TSPAN9: variants seen among roughly 807,000 people sequenced by gnomAD.
The protein encoded by TSPAN9 is tetraspanin-9.
TSPAN9 carries 16 observed loss-of-function variants against 31.0 expected under a neutral mutation model. The observed-to-expected ratio is 0.52, with a 90% confidence interval of 0.35 to 0.78. TSPAN9 has a LOEUF of 0.78. TSPAN9 is among the 30% of genes least tolerant of loss of function. The pLI, the probability that TSPAN9 is intolerant of heterozygous loss-of-function variation, is 0.01. For synonymous variants in TSPAN9, 145 were observed against 121.6 expected (o/e 1.19, Z -1.27); for missense variants, 272 against 312.5 (o/e 0.87, Z 0.98).
chr12:3,085,201 TAA>T, intron 2 of TSPAN9, among the ~76,000 whole-genome samples: 1 of 139,330 alleles, frequency 7.2e-6, no homozygotes, highest in African/African-American at 2.6e-5. Flanking sequence ...TTGTCCCTAT[TAA>T]AAAAAAAAAA....
intron 3 of TSPAN9, among the ~76,000 whole-genome samples, chr12:3,219,123 C>T (rs1289133371): frequency 1.3e-5 from 2 of 152,150 alleles, no homozygotes; most frequent in Admixed American, 6.5e-5. Flanking sequence ...GGAGGCCGGA[C>T]GGTGTAGTGG....
At chr12:3,281,605 G>A in intron 7 of TSPAN9, 129 bp from the exon 8 acceptor site, 3 of 1,198,674 alleles carry the variant, frequency 2.5e-6, no homozygotes, top group Non-Finnish European at 2.3e-6. Flanking sequence ...GATGGGGACA[G>A]GGCTGAGGCC....
At chr12:3,202,938 C>T (rs1418082188) in intron 3 of TSPAN9, among the ~76,000 whole-genome samples, 1 of 152,248 alleles carries the variant, frequency 6.6e-6, no homozygotes, top group Non-Finnish European at 1.5e-5. Flanking sequence ...CATCTGCCAG[C>T]ATCTGTCAGC....
chr12:3,217,701 TCCCTTCACCCCTTCAC>T (rs564542226), intron 3 of TSPAN9, among the ~76,000 whole-genome samples: 2 of 152,146 alleles, frequency 1.3e-5, no homozygotes, highest in African/African-American at 2.4e-5. Flanking sequence ...GCTGCCTGCA[TCCCTTCACCCCTTCAC>T]CCCTTCACCC....
rs990105586 is a variant in TSPAN9, at chr12:3,147,941, A to C, written c.-17-53236A>C. Among the ~76,000 whole-genome samples the C allele has an allele frequency of 6.6e-6, 1 of 152,224 alleles. No homozygotes were observed. Among genetic ancestry groups the C allele is most frequent in the East Asian group, 1.9e-4 (1 of 5,160 alleles). ...GGGGGCACAGCTTGGCAGATAAAGG[A>C]TGGGCTCCTGCAAGTCTAATCTGGG... On this transcript the variant is annotated intron_variant, in intron 2 of 8. Coordinates refer to ENST00000011898, the MANE Select transcript of TSPAN9 (RefSeq NM_006675.5). The surrounding 1 kb of genome is among the most constrained non-coding windows in gnomAD (Gnocchi z 4.3).
intron 3 of TSPAN9, among the ~76,000 whole-genome samples, chr12:3,217,980 G>A (rs181967039): frequency 1.9e-4 from 29 of 152,298 alleles, no homozygotes; most frequent in Admixed American, 1.6e-3. Flanking sequence ...AACACTGTAT[G>A]AAGAGGTTTC....
At chr12:3,201,140 G>A in intron 2 of TSPAN9, 37 bp from the exon 3 acceptor site, 1 of 1,555,478 alleles carries the variant, frequency 6.4e-7, no homozygotes, top group Non-Finnish European at 8.9e-7. Context: ...CAAGTACGTG[G>A]TGTTTTACCT....
chr12:3,139,880 G>A (rs1479762292), intron 2 of TSPAN9, among the ~76,000 whole-genome samples: 1 of 152,190 alleles, frequency 6.6e-6, no homozygotes, highest in Admixed American at 6.5e-5. Context: ...CACAGCAGGT[G>A]ACTCTCTAGC....
chr12:3,170,600 C>T lies in TSPAN9; in HGVS notation c.-17-30577C>T, dbSNP rs529972986. On this transcript the variant is annotated intron_variant, in intron 2 of 8. Coordinates refer to ENST00000011898, the MANE Select transcript of TSPAN9 (RefSeq NM_006675.5). The surrounding 1 kb of genome is among the most constrained non-coding windows in gnomAD (Gnocchi z 4.4). ...CTGAGTCAGTTCTGTGTGGGGGGGT[C>T]GTGATGGGGGAGCAGATGGCCCTGG... 2.0e-5 allele frequency among the ~76,000 whole-genome samples: 3 copies of T among 149,378 alleles called. No individual in the cohort carries two copies. The highest frequency in any genetic ancestry group is 3.0e-5 in the Non-Finnish European group (2 of 67,412).
chr12:3,277,342 C>G (rs1862807225), intron 3 of TSPAN9, among the ~76,000 whole-genome samples: 1 of 152,232 alleles, frequency 6.6e-6, no homozygotes, highest in South Asian at 2.1e-4. Flanking sequence ...CTTCAACTGG[C>G]TTCCATGACT....
rs916849001 is a variant in TSPAN9, at chr12:3,279,236, G to A, written c.330+170G>A. The stretch of plus-strand genomic sequence containing the variant: ...GAAAGCTACCAAGGAAAGAGCAGAT[G>A]GAAGGTTTTGATGGGGGCAGCATGG... On this transcript the variant is annotated intron_variant, in intron 5 of 8. Transcript: ENST00000011898. Among the ~76,000 whole-genome samples the A allele has an allele frequency of 4.6e-5, 7 of 152,312 alleles. No homozygotes were observed. The East Asian group carries it at 9.7e-4, about 21-fold the overall frequency.
At chr12:3,248,761 C>T (rs1334753785) in intron 3 of TSPAN9, among the ~76,000 whole-genome samples, 3 of 152,124 alleles carry the variant, frequency 2.0e-5, no homozygotes, top group Middle Eastern at 3.2e-3. Flanking sequence ...GAGCCCAGAA[C>T]GGACCCTCCC....
chr12:3,267,942 A>G (rs1384898281), intron 3 of TSPAN9, among the ~76,000 whole-genome samples: 1 of 152,200 alleles, frequency 6.6e-6, no homozygotes, highest in Non-Finnish European at 1.5e-5. Flanking sequence ...CTGAGGCTCC[A>G]CGCTGCCTTC....
chr12:3,268,898 C>G (rs1342629524), intron 3 of TSPAN9, among the ~76,000 whole-genome samples: 26 of 92,070 alleles, frequency 2.8e-4, no homozygotes, highest in East Asian at 5.6e-4. Flanking sequence ...CCTGCCCTCT[C>G]TGTGTTCCTG....
At chr12:3,158,074 C>CT (rs780484177) in intron 2 of TSPAN9, among the ~76,000 whole-genome samples, 2 of 152,200 alleles carry the variant, frequency 1.3e-5, no homozygotes, top group Non-Finnish European at 2.9e-5. Context: ...GAGTTGGCGG[C>CT]TTTTCAGTGC....
intron 8 of TSPAN9, 54 bp from the exon 9 acceptor site, chr12:3,282,991 G>A: frequency 6.3e-7 from 1 of 1,588,642 alleles, no homozygotes; most frequent in East Asian, 2.2e-5. Flanking sequence ...CGGGGCTGAG[G>A]TCAGGTCCAG....
intron 2 of TSPAN9, among the ~76,000 whole-genome samples, chr12:3,085,934 C>T (rs1270167267): frequency 2.6e-5 from 4 of 152,136 alleles, no homozygotes; most frequent in Admixed American, 6.6e-5. Flanking sequence ...GGAGATGGTC[C>T]CCTGCCCCGT....
intron 2 of TSPAN9, among the ~76,000 whole-genome samples, chr12:3,117,058 T>TTTC (rs1398352895): frequency 1.3e-5 from 2 of 152,154 alleles, no homozygotes. Flanking sequence ...CAGGATGGCT[T>TTTC]TAGGAAAGGA....
chr12:3,240,086 A>C (rs945900723), intron 3 of TSPAN9, among the ~76,000 whole-genome samples: 1 of 151,986 alleles, frequency 6.6e-6, no homozygotes, highest in Non-Finnish European at 1.5e-5. Flanking sequence ...AATAAAGCAC[A>C]TAATGTAGAG....
Sources: gnomAD v4.1 joint callset for allele counts (sites outside exome capture counted in the v4.1 genomes callset) on GRCh38, gnomAD v4.1.1 for gene constraint, Gnocchi (gnomAD v3.1) non-coding constraint, MANE v1.5 for transcripts, NCBI Gene and HGNC (gene_info 2026-07-23, HGNC 2026-07-21) for gene names.